Variants in GULP1 observed in about 807,000 individuals in gnomAD.
The protein encoded by GULP1 is PTB domain-containing engulfment adapter protein 1.
GULP1 carries 19 observed loss-of-function variants against 40.9 expected under a neutral mutation model. The observed-to-expected ratio is 0.46, with a 90% CI of 0.32 to 0.68. The LOEUF is 0.68. Among genes scored for constraint, GULP1 ranks in the 30% least tolerant of loss-of-function variants. The pLI is 0.03. For synonymous variants in GULP1, 119 were observed against 117.6 expected (o/e 1.01, Z -0.08); for missense variants, 312 against 362.2 (o/e 0.86, Z 1.12).
chr2:188,524,535 A>G (rs1685640056), intron 5 of GULP1, among the ~76,000 whole-genome samples: 1 of 151,504 alleles, frequency 6.6e-6, no homozygotes, highest in South Asian at 2.1e-4. Context: ...AAGTATATCT[A>G]AGGGTAATGA....
At chr2:188,537,501 C>T (rs112804285) in intron 6 of GULP1, among the ~76,000 whole-genome samples, 8 of 152,062 alleles carry the variant, frequency 5.3e-5, no homozygotes, top group South Asian at 2.1e-4. Context: ...GATTCGCATA[C>T]GTTGAACAAA....
intron 5 of GULP1, among the ~76,000 whole-genome samples, chr2:188,527,784 G>A (rs1686560519): frequency 6.6e-6 from 1 of 152,152 alleles, no homozygotes; most frequent in Non-Finnish European, 1.5e-5. Flanking sequence ...ATTATTATGT[G>A]TGGCAGTGCA....
At chr2:188,509,524 C>T (rs564329587) in intron 4 of GULP1, among the ~76,000 whole-genome samples, 8 of 152,164 alleles carry the variant, frequency 5.3e-5, no homozygotes, top group South Asian at 4.2e-4. Context: ...CTATGCACCA[C>T]CTATCAAGAC....
At chr2:188,542,362 A>G (rs1457716410) in intron 7 of GULP1, among the ~76,000 whole-genome samples, 2 of 152,104 alleles carry the variant, frequency 1.3e-5, no homozygotes, top group Non-Finnish European at 2.9e-5. Context: ...CTGTTATGTC[A>G]TTTGTTTATC....
At chr2:188,491,258 GA>G (rs202212348) in intron 4 of GULP1, among the ~76,000 whole-genome samples, 40 of 148,604 alleles carry the variant, frequency 2.7e-4, no homozygotes, top group Middle Eastern at 3.4e-3. Context: ...AGTTTTGGAG[GA>G]AAAAAAAACA....
chr2:188,326,219 C>G (rs996949796), intron 1 of GULP1, among the ~76,000 whole-genome samples: 1 of 151,992 alleles, frequency 6.6e-6, no homozygotes. Context: ...AAGTCCAGAT[C>G]TAATATTTCA....
chr2:188,537,437 A>G (rs1006689392), intron 6 of GULP1, among the ~76,000 whole-genome samples: 2 of 152,100 alleles, frequency 1.3e-5, no homozygotes, highest in Non-Finnish European at 2.9e-5. Flanking sequence ...TTCTGTTGAT[A>G]TGATCATATG....
chr2:188,589,927 T>A (rs1703176965), intron 11 of GULP1: 2 of 395,900 alleles, frequency 5.1e-6, no homozygotes, highest in East Asian at 7.8e-5. Context: ...TATTTTTCAG[T>A]GACTTAGTCA....
chr2:188,555,688 T>C (rs1694564971), intron 7 of GULP1, among the ~76,000 whole-genome samples: 1 of 152,180 alleles, frequency 6.6e-6, no homozygotes, highest in South Asian at 2.1e-4. Flanking sequence ...CGATGGTGAC[T>C]GCCTTTTCGT....
chr2:188,540,810 T>G (rs1201877468), intron 6 of GULP1, among the ~76,000 whole-genome samples: 6 of 152,166 alleles, frequency 3.9e-5, no homozygotes, highest in African/African-American at 1.4e-4. Flanking sequence ...CTGGTAATTC[T>G]GTAAAACTGT....
At chr2:188,518,844 GAGA>G (rs1378539734) in intron 4 of GULP1, among the ~76,000 whole-genome samples, 1 of 152,088 alleles carries the variant, frequency 6.6e-6, no homozygotes, top group Admixed American at 6.5e-5. Flanking sequence ...TTTTTCAGGA[GAGA>G]AGAACAGCAT....
chr2:188,387,978 C>T (rs1005504454), intron 2 of GULP1, among the ~76,000 whole-genome samples: 3 of 151,910 alleles, frequency 2.0e-5, no homozygotes, highest in African/African-American at 2.4e-5. Context: ...GTGCTGCACC[C>T]GTTAACTCGT....
intron 2 of GULP1, among the ~76,000 whole-genome samples, chr2:188,475,928 T>G (rs918021468): frequency 2.6e-5 from 4 of 152,138 alleles, no homozygotes; most frequent in Admixed American, 6.6e-5. Flanking sequence ...AATTTCTTGG[T>G]CTATTGGTAT....
Position 188,483,500 on chromosome 2 carries a change from T to C in GULP1, c.90+8T>C, listed in dbSNP as rs761256116. ...ATTCCCTATAATGCAAAGGTAAAAA[T>C]AGTTCATTTATTATTTAATTTTATT... On this transcript the variant is annotated splice_region_variant and intron_variant, in intron 4 of 11. Transcript: ENST00000409830. 2.5e-6 allele frequency: 3 copies of C among 1,204,512 alleles called. No homozygotes were observed. The highest frequency in any genetic ancestry group is 2.9e-5 in the South Asian group (2 of 70,024). The allele number at this position is 1,204,512 out of a possible 1,614,324, so 74.6% of individuals were successfully genotyped here.
rs1704243342 is a variant in GULP1 at position 188,595,090 on chromosome 2, A to C, written c.*1079A>C. On this transcript the variant is annotated 3_prime_UTR_variant, in exon 12 of 12. Transcript: ENST00000409830. ...AAAAAAAAAAACCCAGTTACTGCTCAGTTTAGTCTTGAACATGAGCAATAA... is the reference window on the plus strand; with the variant it reads ...AAAAAAAAAAACCCAGTTACTGCTCCGTTTAGTCTTGAACATGAGCAATAA... 6.7e-6 allele frequency: 1 copy of C among 149,164 alleles called. No individual in the cohort carries two copies. The allele number at this position is 149,164 out of a possible 1,614,324, so 9.2% of individuals were successfully genotyped here.
chr2:188,497,832 A>T (rs556521007), intron 4 of GULP1, among the ~76,000 whole-genome samples: 1 of 152,096 alleles, frequency 6.6e-6, no homozygotes, highest in South Asian at 2.1e-4. Flanking sequence ...AATACACAAA[A>T]ACATGAGGAA....
chr2:188,513,342 T>C (rs914296800), intron 4 of GULP1, among the ~76,000 whole-genome samples: 1 of 152,158 alleles, frequency 6.6e-6, no homozygotes, highest in African/African-American at 2.4e-5. Context: ...ATCATTCTTA[T>C]CTGTCCATTT....
At chr2:188,370,765 T>C (rs1167350684) in intron 1 of GULP1, among the ~76,000 whole-genome samples, 2 of 152,184 alleles carry the variant, frequency 1.3e-5, no homozygotes, top group African/African-American at 2.4e-5. Context: ...ACATGTAACA[T>C]TGGCCAAAAG....
chr2:188,348,453 G>A (rs2043992487), intron 1 of GULP1, among the ~76,000 whole-genome samples: 1 of 152,090 alleles, frequency 6.6e-6, no homozygotes, highest in East Asian at 1.9e-4. Flanking sequence ...TTTGAATGTA[G>A]TATGTTGCTG....
Sources: allele counts gnomAD v4.1 joint callset (sites outside exome capture counted in the v4.1 genomes callset), GRCh38; gene constraint gnomAD v4.1.1; transcripts MANE v1.5; gene names NCBI Gene and HGNC (gene_info 2026-07-23, HGNC 2026-07-21).